Variants in KCNK1 observed in about 807,000 individuals in gnomAD.
KCNK1 encodes the protein potassium two pore domain channel subfamily K member 1.
KCNK1 carries 10 observed loss-of-function variants against 22.2 expected under a neutral mutation model. That is an observed-to-expected ratio of 0.45 (90% CI 0.28 to 0.76). The LOEUF (loss-of-function observed/expected upper bound fraction) is 0.76. Ranked by LOEUF, KCNK1 falls within the 30% of genes least tolerant of loss-of-function variation. The pLI is 0.14. For synonymous variants in KCNK1, 200 were observed against 186.4 expected (o/e 1.07, Z -0.60); for missense variants, 378 against 421.0 (o/e 0.90, Z 0.89).
At chr1:233,628,437 C>T (rs528261847) in intron 1 of KCNK1, among the ~76,000 whole-genome samples, 31 of 152,218 alleles carry the variant, frequency 2.0e-4, no homozygotes, top group Non-Finnish European at 3.5e-4. Flanking sequence ...CACGTACCCC[C>T]GAACCTAAAG....
intron 1 of KCNK1, among the ~76,000 whole-genome samples, chr1:233,626,208 C>T (rs1384836714): frequency 6.6e-6 from 1 of 151,858 alleles, no homozygotes; most frequent in Non-Finnish European, 1.5e-5. Flanking sequence ...AACCATCTGG[C>T]TTTGCTGATG....
At position 233,614,631 on chromosome 1, in the gene KCNK1, C is replaced by G. The variant is rs1369324886; in HGVS notation, c.355+105C>G. ...CCCTCTAACCCTCCCACCCCACCCC[C>G]CACCTTTCGCCATCCCGGCTCCTCC... On this transcript the variant is annotated intron_variant, in intron 1 of 2. Coordinates refer to ENST00000366621, the MANE Select transcript of KCNK1 (RefSeq NM_002245.4). The G allele has an allele frequency of 1.2e-5, 10 of 839,022 alleles. No individual in the cohort carries two copies. The African/African-American group carries it at 1.6e-4, about 13-fold the overall frequency. 52.0% of individuals were successfully genotyped at this position (839,022 alleles called of 1,614,324 possible). A position where few individuals can be genotyped will look rare whatever the true frequency, so the allele number is the denominator to read the frequency against.
At chr1:233,622,726 C>T (rs1657613081) in intron 1 of KCNK1, among the ~76,000 whole-genome samples, 1 of 152,164 alleles carries the variant, frequency 6.6e-6, no homozygotes. Context: ...GAACTTGAGT[C>T]AGATCAGAAG....
chr1:233,618,480 T>C (rs1657524368), intron 1 of KCNK1, among the ~76,000 whole-genome samples: 1 of 152,210 alleles, frequency 6.6e-6, no homozygotes, highest in Admixed American at 6.5e-5. Context: ...TCTAAAACTT[T>C]GGACAGTGTC....
At chr1:233,658,800 A>G (rs1286237136) in intron 1 of KCNK1, among the ~76,000 whole-genome samples, 1 of 152,236 alleles carries the variant, frequency 6.6e-6, no homozygotes, top group South Asian at 2.1e-4. Flanking sequence ...AAAATACAGT[A>G]TAAAAGATTT....
At chr1:233,624,134 T>C (rs1029197322) in intron 1 of KCNK1, 2 of 154,280 alleles carry the variant, frequency 1.3e-5, no homozygotes, top group South Asian at 4.1e-4. Context: ...CCCAGTTCCC[T>C]ATTCACTCTG....
At chr1:233,657,741 G>T (rs1658324881) in intron 1 of KCNK1, among the ~76,000 whole-genome samples, 1 of 152,018 alleles carries the variant, frequency 6.6e-6, no homozygotes, top group Admixed American at 6.5e-5. Context: ...AGACAGCCTG[G>T]TCTGTTACCT....
intron 1 of KCNK1, among the ~76,000 whole-genome samples, chr1:233,665,805 G>A (rs961443716): frequency 3.5e-4 from 54 of 152,340 alleles, no homozygotes; most frequent in African/African-American, 1.2e-3. Context: ...AGAGTCCTCT[G>A]GCGAGGACTG....
chr1:233,620,324 G>A (rs936208962), intron 1 of KCNK1, among the ~76,000 whole-genome samples: 20 of 152,218 alleles, frequency 1.3e-4, no homozygotes, highest in Non-Finnish European at 2.8e-4. Flanking sequence ...TACGCTAAGA[G>A]TATTCTGAAT....
rs146147708 is a variant in KCNK1, at chr1:233,641,160, T to C, written c.356-25435T>C. Reference sequence around the variant, plus strand: ...CCGGAAGACTTTCTATGTAGGACACTCTGTAGGTCCTTAGAGTATGGCTCT... The same window carrying C: ...CCGGAAGACTTTCTATGTAGGACACCCTGTAGGTCCTTAGAGTATGGCTCT... On this transcript the variant is annotated intron_variant, in intron 1 of 2. Transcript: ENST00000366621. 5.3e-3 allele frequency among the ~76,000 whole-genome samples: 806 copies of C among 152,340 alleles called. 2 individuals are homozygous for C. The highest frequency in any genetic ancestry group is 0.017 in the Middle Eastern group (5 of 294).
chr1:233,651,250 T>C (rs1456937922), intron 1 of KCNK1, among the ~76,000 whole-genome samples: 1 of 152,154 alleles, frequency 6.6e-6, no homozygotes, highest in Non-Finnish European at 1.5e-5. Context: ...ACAGCATCTA[T>C]GCCCCAGGGA....
intron 1 of KCNK1, among the ~76,000 whole-genome samples, chr1:233,628,751 C>T (rs1657737701): frequency 8.4e-6 from 1 of 118,424 alleles, no homozygotes; most frequent in African/African-American, 6.7e-5. Context: ...CAGAGCAAGA[C>T]TCTGTCTCAA....
intron 1 of KCNK1, among the ~76,000 whole-genome samples, chr1:233,639,973 G>A (rs1029742820): frequency 2.0e-5 from 3 of 152,172 alleles, no homozygotes; most frequent in African/African-American, 4.8e-5. Context: ...GAGGAAAGGC[G>A]TTGTTGCTAT....
rs11363117 is a variant in KCNK1 at position 233,638,422 on chromosome 1, G to GAA, written c.355+23907_355+23908dup. Among the ~76,000 whole-genome samples, 266 of 149,152 alleles carry GAA rather than the reference G, an allele frequency of 1.8e-3. 2 individuals are homozygous for GAA. Among genetic ancestry groups the GAA allele is most frequent in the African/African-American group, 5.8e-3 (234 of 40,558 alleles). On this transcript the variant is annotated intron_variant, in intron 1 of 2. Coordinates refer to ENST00000366621, the MANE Select transcript of KCNK1 (RefSeq NM_002245.4). ...TGATGACCAATACCTAAAAAAGAGA[G>GAA]AAAAAAAAAAAAGAATGAAATTGTC...
At chr1:233,614,682 C>T (rs889903951) in intron 1 of KCNK1, among the ~76,000 whole-genome samples, 156 bp downstream of exon 1, 1 of 151,406 alleles carries the variant, frequency 6.6e-6, no homozygotes. Flanking sequence ...ACTGTCCTCC[C>T]GACCCTCCGA....
chr1:233,645,349 G>A (rs1386957140), intron 1 of KCNK1, among the ~76,000 whole-genome samples: 2 of 152,186 alleles, frequency 1.3e-5, no homozygotes, highest in African/African-American at 4.8e-5. Context: ...CGTCCTTGTG[G>A]AAATAATTAA....
chr1:233,644,920 T>C (rs1296419486), intron 1 of KCNK1, among the ~76,000 whole-genome samples: 2 of 152,088 alleles, frequency 1.3e-5, no homozygotes, highest in Non-Finnish European at 2.9e-5. Context: ...GTAGACTGGG[T>C]GAGGTGGCTC....
At chr1:233,665,050 C>G (rs973438485) in intron 1 of KCNK1, among the ~76,000 whole-genome samples, 3 of 152,162 alleles carry the variant, frequency 2.0e-5, no homozygotes, top group Non-Finnish European at 4.4e-5. Flanking sequence ...TGAAGAGTCC[C>G]CTGATTAGCT....
At chr1:233,661,178 G>A (rs773517263) in intron 1 of KCNK1, among the ~76,000 whole-genome samples, 1 of 152,152 alleles carries the variant, frequency 6.6e-6, no homozygotes, top group Non-Finnish European at 1.5e-5. Flanking sequence ...TGCATGATGA[G>A]TTCCCCTTGC....
Sources: gnomAD v4.1 joint callset for allele counts (sites outside exome capture counted in the v4.1 genomes callset) on GRCh38, gnomAD v4.1.1 for gene constraint, MANE v1.5 for transcripts, NCBI Gene and HGNC (gene_info 2026-07-23, HGNC 2026-07-21) for gene names.